The following SCIN variants were observed in gnomAD, a reference collection of about 807,000 sequenced individuals.
SCIN encodes the protein adseverin.
SCIN carries 91 observed loss-of-function variants against 91.8 expected under a neutral mutation model. The observed-to-expected ratio is 0.99, with a 90% CI of 0.84 to 1.18. SCIN has a LOEUF of 1.18. Ranked by LOEUF, SCIN falls within the 50% of genes most tolerant of loss-of-function variation. SCIN has a pLI of 0.00. For synonymous variants in SCIN, 367 were observed against 312.6 expected (o/e 1.17, Z -1.84); for missense variants, 1,087 against 863.9 (o/e 1.26, Z -3.24).
At chr7:12,636,157 A>G in intron 10 of SCIN, 22 bp downstream of exon 10, 1 of 1,569,348 alleles carries the variant, frequency 6.4e-7, no homozygotes. Context: ...TTTACCCCCA[A>G]AACTCACACA....
At chr7:12,635,610 T>TAAA (rs1335407882) in intron 9 of SCIN, among the ~76,000 whole-genome samples, 1 of 7,948 alleles carries the variant, frequency 1.3e-4, no homozygotes, top group Non-Finnish European at 3.3e-4. Flanking sequence ...GGACTCCGTC[T>TAAA]CAAAAAAAAA....
rs1054216682 is a variant in SCIN at position 12,654,315 on chromosome 7, C to T, written c.*1600C>T. ...CTGATATTTTAGCAGATAATGTGGC[C>T]GTCCAGGCAGGCATGAGATTTCTCA... is the stretch of plus-strand genomic sequence containing the variant. On this transcript the variant is annotated 3_prime_UTR_variant, in exon 16 of 16. Coordinates refer to ENST00000297029, the MANE Select transcript of SCIN (RefSeq NM_001112706.3). 1.1e-4 allele frequency: 16 copies of T among 152,078 alleles called. No homozygotes were observed. The highest frequency in any genetic ancestry group is 3.9e-4 in the African/African-American group (16 of 41,414). 9.4% of individuals were successfully genotyped at this position (152,078 alleles called of 1,614,324 possible).
In SCIN at chr7:12,570,882, G is replaced by T. The variant is rs1411103692; in HGVS notation, c.96G>T (p.Val32=). Residue 32 remains valine (V), a synonymous_variant, in exon 1 of 16, where the codon GTG becomes GTT. Transcript: ENST00000297029. ...TTGAGAAGCTGGAGCTGGTGCCCGT[G>T]CCCCAGAGCGCTCACGGCGACTTCT... is the stretch of plus-strand genomic sequence containing the variant. ...WRIEKLELVP[V]PQSAHGDFYV... 6.4e-7 allele frequency: 1 copy of T among 1,551,570 alleles called. No individual in the cohort carries two copies. Among genetic ancestry groups the T allele is most frequent in the East Asian group, 2.4e-5 (1 of 40,876 alleles).
intron 1 of SCIN, among the ~76,000 whole-genome samples, chr7:12,577,286 C>G (rs1160728141): frequency 6.6e-6 from 1 of 152,076 alleles, no homozygotes; most frequent in East Asian, 1.9e-4. Context: ...AAATTATATT[C>G]ATTTTCCCAT....
At chr7:12,592,512 C>T (rs1277877080) in intron 3 of SCIN, among the ~76,000 whole-genome samples, 1 of 151,684 alleles carries the variant, frequency 6.6e-6, no homozygotes, top group African/African-American at 2.4e-5. Flanking sequence ...TCATGGTGAG[C>T]AGCTACGGAA....
Position 12,629,213 on chromosome 7 carries a change from T to C in SCIN, c.1310T>C (p.Ile437Thr). The C allele has an allele frequency of 6.2e-7, 1 of 1,610,462 alleles. No individual in the cohort carries two copies. ...TACACCTATCCCAGAGGACAGATTA[T>C]CTACACGTGGTGAGTTTATACGGGT... ...ILYTYPRGQIIYTWQGANATR... is the reference protein window; with the variant it reads ...ILYTYPRGQITYTWQGANATR... The change falls in exon 9 of 16, where the codon ATC becomes ACC. Residue 437 changes from isoleucine to threonine, a missense_variant. Coordinates refer to ENST00000297029, the MANE Select transcript of SCIN (RefSeq NM_001112706.3).
At chr7:12,590,973 G>A (rs887653950) in intron 3 of SCIN, among the ~76,000 whole-genome samples, 1 of 152,152 alleles carries the variant, frequency 6.6e-6, no homozygotes, top group Non-Finnish European at 1.5e-5. Flanking sequence ...TGCTTTTTGG[G>A]AGGAGGATCC....
chr7:12,651,705 C>A lies in SCIN; in HGVS notation c.1960-136C>A. On this transcript the variant is annotated intron_variant, in intron 14 of 15. Coordinates refer to ENST00000297029, the MANE Select transcript of SCIN (RefSeq NM_001112706.3). The surrounding 1 kb of genome is among the most constrained non-coding windows in gnomAD (Gnocchi z 5.9). ...AAAGTGATGGTACCTCTCTGGGCCA[C>A]CACCTCCACGTCCCTAACTTCTGCG... 1 of 591,582 alleles carries A rather than the reference C, an allele frequency of 1.7e-6. No homozygotes were observed. 36.6% of individuals were successfully genotyped at this position (591,582 alleles called of 1,614,324 possible).
intron 11 of SCIN, 90 bp from the exon 12 acceptor site, chr7:12,644,048 T>C: frequency 8.5e-7 from 1 of 1,177,924 alleles, no homozygotes; most frequent in Non-Finnish European, 1.2e-6. Flanking sequence ...AGGCGATGTA[T>C]GGTTTGCCAC....
intron 3 of SCIN, among the ~76,000 whole-genome samples, chr7:12,597,425 C>G (rs771721211): frequency 2.0e-5 from 3 of 152,280 alleles, no homozygotes; most frequent in African/African-American, 4.8e-5. Context: ...AGAAAAGGAC[C>G]AAAGAGCAGC....
chr7:12,596,387 A>T, intron 3 of SCIN: 1 of 455,074 alleles, frequency 2.2e-6, no homozygotes, highest in South Asian at 1.6e-5. Flanking sequence ...ACCATCAGGA[A>T]ATGGCCTCCC....
intron 4 of SCIN, among the ~76,000 whole-genome samples, chr7:12,617,521 G>A (rs1783324125): frequency 6.6e-6 from 1 of 152,114 alleles, no homozygotes; most frequent in Non-Finnish European, 1.5e-5. Flanking sequence ...AAGGTTTGGT[G>A]ATGTCTAGAA....
At chr7:12,575,047 G>A (rs1041612326) in intron 1 of SCIN, among the ~76,000 whole-genome samples, 2 of 152,082 alleles carry the variant, frequency 1.3e-5, no homozygotes, top group Admixed American at 6.6e-5. Flanking sequence ...TACAGATCCT[G>A]TACATGTTTT....
Position 12,652,945 on chromosome 7 carries a change from A to G in SCIN, c.*230A>G. On this transcript the variant is annotated 3_prime_UTR_variant, in exon 16 of 16. Coordinates refer to ENST00000297029, the MANE Select transcript of SCIN (RefSeq NM_001112706.3). ...TGGCGAAACCTCGCCTCTACTAAAA[A>G]TACAAAAAAATTAGCTGCGCGTGGT... 5.0e-6 allele frequency: 2 copies of G among 403,712 alleles called. No individual in the cohort carries two copies. The highest frequency in any genetic ancestry group is 5.3e-5 in the South Asian group (2 of 37,684). The allele number at this position is 403,712 out of a possible 1,614,324, so 25.0% of individuals were successfully genotyped here.
chr7:12,632,139 A>ATTTTATTTTATTTTAATTTTATTTTATT (rs1562626819), intron 9 of SCIN, among the ~76,000 whole-genome samples: 5 of 139,546 alleles, frequency 3.6e-5, no homozygotes, highest in African/African-American at 1.5e-4. Flanking sequence ...ATTTTATTTT[A>ATTTTATTTTATTTTAATTTTATTTTATT]TTTTATTTTA....
At chr7:12,578,602 G>A (rs1455753929) in intron 2 of SCIN, among the ~76,000 whole-genome samples, 1 of 151,990 alleles carries the variant, frequency 6.6e-6, no homozygotes, top group Non-Finnish European at 1.5e-5. Context: ...TGAAGTTTCT[G>A]CAAGTAACCT....
At chr7:12,652,015 G>A (rs567633700) in intron 15 of SCIN, 114 bp downstream of exon 15, 2 of 673,212 alleles carry the variant, frequency 3.0e-6, no homozygotes, top group African/African-American at 3.7e-5. Context: ...TCAAGAAGTA[G>A]CTTAGCATTC....
intron 3 of SCIN, chr7:12,596,475 A>G (rs1159948487): frequency 2.2e-6 from 1 of 456,180 alleles, no homozygotes; most frequent in South Asian, 1.5e-5. Context: ...CTGCCAATTT[A>G]TCACTTTTAG....
In SCIN at chr7:12,570,796, G is replaced by A; in HGVS notation, c.10G>A (p.Glu4Lys). The A allele has an allele frequency of 1.9e-6, 3 of 1,551,144 alleles. No individual in the cohort carries two copies. The highest frequency in any genetic ancestry group is 2.6e-6 in the Non-Finnish European group (3 of 1,146,840). ...ATCGCGTGCAGGAGCCATGGCGCGG[G>A]AGCTATACCACGAAGAGTTCGCCCG... MAR[E>K]LYHEEFARAG... The change falls in exon 1 of 16, where the codon GAG becomes AAG. Residue 4 changes from glutamate to lysine, a missense_variant. Coordinates refer to ENST00000297029, the MANE Select transcript of SCIN (RefSeq NM_001112706.3).
Sources: gnomAD v4.1 joint callset for allele counts (sites outside exome capture counted in the v4.1 genomes callset) on GRCh38, gnomAD v4.1.1 for gene constraint, Gnocchi (gnomAD v3.1) non-coding constraint, MANE v1.5 for transcripts, NCBI Gene and HGNC (gene_info 2026-07-23, HGNC 2026-07-21) for gene names.